The following PRDM1 variants were observed in gnomAD, a reference collection of about 807,000 sequenced individuals.
PRDM1 encodes PR/SET domain 1, also known as PR domain zinc finger protein 1.
A neutral mutation model predicts 62.8 loss-of-function variants in PRDM1; 13 were observed. The ratio of observed to expected loss-of-function variants is 0.21; its 90% CI spans 0.13 to 0.33. The LOEUF (loss-of-function observed/expected upper bound fraction) is 0.33, where lower values mean the gene tolerates loss of function less well. Among genes scored for constraint, PRDM1 ranks in the 10% least tolerant of loss-of-function variants. PRDM1 has a pLI of 1.00. For synonymous variants in PRDM1, 396 were observed against 417.6 expected (o/e 0.95, Z 0.63); for missense variants, 895 against 1,058.8 (o/e 0.85, Z 2.15).
chr6:106,101,861 AAAGT>A (rs1774283767), intron 4 of PRDM1, among the ~76,000 whole-genome samples: 1 of 152,252 alleles, frequency 6.6e-6, no homozygotes, highest in Admixed American at 6.5e-5. Flanking sequence ...AAAGGAAAGA[AAAGT>A]AAGTAGCCAG....
intron 1 of PRDM1, among the ~76,000 whole-genome samples, chr6:106,079,128 C>T (rs1773651043): frequency 6.6e-6 from 1 of 151,866 alleles, no homozygotes; most frequent in South Asian, 2.1e-4. Context: ...GTGGGCCTGG[C>T]TAATTTTTGT....
At chr6:106,062,830 G>A (rs1773365732) in intron 1 of PRDM1, among the ~76,000 whole-genome samples, 1 of 152,212 alleles carries the variant, frequency 6.6e-6, no homozygotes, top group Admixed American at 6.5e-5. Flanking sequence ...AGGGTTTGTT[G>A]GGAAGGAATG....
intron 1 of PRDM1, among the ~76,000 whole-genome samples, chr6:106,070,229 A>C (rs1282703881): frequency 1.3e-5 from 2 of 152,206 alleles, no homozygotes; most frequent in Non-Finnish European, 2.9e-5. Flanking sequence ...TGGAATCAAC[A>C]TTTCAGATAC....
intron 3 of PRDM1, chr6:106,098,690 A>G (rs773178487): frequency 1.5e-6 from 2 of 1,368,720 alleles, no homozygotes; most frequent in African/African-American, 2.9e-5. Context: ...GGTGAAGTTC[A>G]CCTTTGCCCC....
At chr6:106,013,972 T>A (rs1429906597) in intron 1 of PRDM1, among the ~76,000 whole-genome samples, 3 of 152,098 alleles carry the variant, frequency 2.0e-5, no homozygotes, top group Non-Finnish European at 2.9e-5. Context: ...CCTCCATAGC[T>A]CTTGTCACTG....
upstream of PRDM1, among the ~76,000 whole-genome samples, chr6:106,044,428 C>T (rs1352193789): frequency 6.6e-6 from 1 of 152,020 alleles, no homozygotes; most frequent in Non-Finnish European, 1.5e-5. Context: ...CCAAGGGAAG[C>T]CAGAAGTAAA....
At chr6:105,997,125 A>G (rs1772357870) in intron 1 of PRDM1, among the ~76,000 whole-genome samples, 1 of 152,250 alleles carries the variant, frequency 6.6e-6, no homozygotes, top group South Asian at 2.1e-4. Context: ...GGACAGGGGT[A>G]AAAAGTGGAA....
chr6:105,993,777 A>G (rs557203773), intron 1 of PRDM1, among the ~76,000 whole-genome samples: 159 of 152,312 alleles, frequency 1.0e-3, no homozygotes, highest in African/African-American at 3.7e-3. Flanking sequence ...GAGTGGTGGT[A>G]TGGGGCTCTG....
chr6:105,994,350 C>T lies in PRDM1; in HGVS notation c.-67+711C>T, dbSNP rs1772319776. Among the ~76,000 whole-genome samples the T allele has an allele frequency of 7.1e-6, 1 of 140,246 alleles. No homozygotes were observed. The allele number at this position is 140,246 out of a possible 152,430, so 92.0% of individuals were successfully genotyped here. A position where few individuals can be genotyped will look rare whatever the true frequency, so the allele number is the denominator to read the frequency against. Reference sequence around the variant, plus strand: ...CAGCTAGCGGCTCTGGATTGGACTGCATTCGCCTAAATTGCGTAATTAAAA... The same window carrying T: ...CAGCTAGCGGCTCTGGATTGGACTGTATTCGCCTAAATTGCGTAATTAAAA... On this transcript the variant is annotated intron_variant, in intron 1 of 6. Coordinates refer to the PRDM1 transcript ENST00000652320. This position sits in a 1 kb window ranked among gnomAD's most constrained non-coding sequence, Gnocchi z 4.1.
intron 1 of PRDM1, 116 bp from the exon 2 acceptor site, chr6:106,088,085 A>G (rs1773857444): frequency 7.5e-7 from 1 of 1,325,178 alleles, no homozygotes; most frequent in Non-Finnish European, 1.0e-6. Flanking sequence ...AACTGTACCA[A>G]GCACTCTGCA....
At chr6:106,071,406 C>T (rs576408331) in intron 1 of PRDM1, among the ~76,000 whole-genome samples, 52 of 152,074 alleles carry the variant, frequency 3.4e-4, no homozygotes, top group Non-Finnish European at 5.9e-4. Flanking sequence ...CACACACACA[C>T]ACATACATAC....
chr6:106,035,451 C>G (rs1334810868), intron 1 of PRDM1, among the ~76,000 whole-genome samples: 4 of 151,904 alleles, frequency 2.6e-5, no homozygotes, highest in Non-Finnish European at 5.9e-5. Context: ...GTGAGACCCC[C>G]CTCCCCGTCT....
chr6:106,099,433 T>A lies in PRDM1; in HGVS notation c.545T>A (p.Ile182Asn). 1 of 1,614,190 alleles carries A rather than the reference T, an allele frequency of 6.2e-7. No individual in the cohort carries two copies. Among genetic ancestry groups the A allele is most frequent in the Non-Finnish European group, 8.5e-7 (1 of 1,180,038 alleles). ...NLAACQNGMNIYFYTIKPIPA... is the reference protein window; with the variant it reads ...NLAACQNGMNNYFYTIKPIPA... ...GCTGCGTGTCAGAACGGGATGAACA[T>A]CTACTTCTACACCATTAAGCCCATC... Residue 182 changes from isoleucine to asparagine, a missense_variant, in exon 4 of 7, where the codon ATC (isoleucine) becomes AAC (asparagine). Coordinates refer to ENST00000369096, the MANE Select transcript of PRDM1 (RefSeq NM_001198.4).
At chr6:106,019,253 C>CAAAA (rs55704256) in intron 1 of PRDM1, among the ~76,000 whole-genome samples, 2 of 69,630 alleles carry the variant, frequency 2.9e-5, no homozygotes, top group Non-Finnish European at 5.0e-5. Flanking sequence ...GACTCCATCT[C>CAAAA]AAAAAAAAAA....
At chr6:106,060,681 G>A (rs1293605987) in intron 1 of PRDM1, among the ~76,000 whole-genome samples, 1 of 152,076 alleles carries the variant, frequency 6.6e-6, no homozygotes, top group Non-Finnish European at 1.5e-5. Context: ...GTAATTTGAG[G>A]AATTTCTGGA....
At chr6:106,021,192 T>C (rs1772692718) in intron 1 of PRDM1, among the ~76,000 whole-genome samples, 1 of 152,252 alleles carries the variant, frequency 6.6e-6, no homozygotes, top group Non-Finnish European at 1.5e-5. Context: ...GACTTCAGGC[T>C]TACTGACATC....
At chr6:106,088,153 A>G in intron 1 of PRDM1, 48 bp from the exon 2 acceptor site, 1 of 1,544,022 alleles carries the variant, frequency 6.5e-7, no homozygotes, top group Non-Finnish European at 8.7e-7. Flanking sequence ...AAGGAGCCAC[A>G]GGAACGGCGG....
intron 1 of PRDM1, among the ~76,000 whole-genome samples, chr6:106,014,876 G>C (rs929576493): frequency 6.6e-6 from 1 of 152,128 alleles, no homozygotes; most frequent in East Asian, 1.9e-4. Flanking sequence ...GGAAGATGGT[G>C]AGCAGGGGTT....
chr6:106,043,311 C>T (rs1409425099), intron 1 of PRDM1, among the ~76,000 whole-genome samples: 1 of 152,152 alleles, frequency 6.6e-6, no homozygotes, highest in Non-Finnish European at 1.5e-5. Context: ...TGTTTTCTCT[C>T]GCTTAATTAT....
Sources: allele counts gnomAD v4.1 joint callset (sites outside exome capture counted in the v4.1 genomes callset), GRCh38; gene constraint gnomAD v4.1.1; non-coding constraint Gnocchi (gnomAD v3.1); transcripts MANE v1.5; gene names NCBI Gene and HGNC (gene_info 2026-07-23, HGNC 2026-07-21).